Variants in COMMD1 observed in about 807,000 individuals in gnomAD.
COMMD1 encodes COMM domain-containing protein 1.
Under a neutral mutation model 17.2 loss-of-function variants are expected in COMMD1, and 10 were observed. That is an observed-to-expected ratio of 0.58 (90% CI 0.36 to 0.99). The LOEUF (loss-of-function observed/expected upper bound fraction) is 0.99, where lower values mean the gene tolerates loss of function less well. COMMD1 is among the 50% of genes least tolerant of loss of function. COMMD1 has a pLI of 0.01. For missense variants in COMMD1, 270 were observed against 231.8 expected, an observed-to-expected ratio of 1.17 and a Z score of -1.07; for synonymous variants, 97 against 91.6, an observed-to-expected ratio of 1.06 and a Z score of -0.34.
At chr2:62,014,746 G>A (rs58125635) in intron 2 of COMMD1, among the ~76,000 whole-genome samples, 1 of 151,298 alleles carries the variant, frequency 6.6e-6, no homozygotes, top group Non-Finnish European at 1.5e-5. Context: ...ATTTTTAGTA[G>A]AGATGGGGTG....
intron 2 of COMMD1, among the ~76,000 whole-genome samples, chr2:62,035,772 C>T (rs1191335521): frequency 6.8e-6 from 1 of 147,624 alleles, no homozygotes; most frequent in African/African-American, 2.5e-5. Context: ...AAAAGCAGGG[C>T]TGGCATGGTG....
chr2:62,048,988 A>C (rs888906258), intron 2 of COMMD1, among the ~76,000 whole-genome samples: 1 of 152,154 alleles, frequency 6.6e-6, no homozygotes, highest in African/African-American at 2.4e-5. Flanking sequence ...TAGTCTTAAT[A>C]ATTTTTAGAT....
At chr2:62,125,244 T>C (rs1447888553) in intron 2 of COMMD1, among the ~76,000 whole-genome samples, 1 of 152,270 alleles carries the variant, frequency 6.6e-6, no homozygotes, top group Non-Finnish European at 1.5e-5. Flanking sequence ...TGGTAGGTGC[T>C]GAGGCACTGC....
chr2:62,132,853 AAT>A (rs887204709), intron 2 of COMMD1, among the ~76,000 whole-genome samples: 1 of 152,090 alleles, frequency 6.6e-6, no homozygotes, highest in African/African-American at 2.4e-5. Context: ...AAAAAAAAAA[AAT>A]TGTTTTAAAG....
Position 61,905,718 on chromosome 2 carries a change from G to C in COMMD1, c.40G>C (p.Gly14Arg), listed in dbSNP as rs905389919. Residue 14 changes from glycine (G) to arginine (R), a missense_variant, in exon 1 of 3, where the codon GGG becomes CGG. Coordinates refer to ENST00000311832, the MANE Select transcript of COMMD1 (RefSeq NM_152516.4). ...GELEGGKPLS[G>R]LLNALAQDTF... ...GCTTGAGGGTGGCAAACCCCTGAGCGGGCTGCTGAATGCGCTGGCCCAGGA... is the reference window on the plus strand; with the variant it reads ...GCTTGAGGGTGGCAAACCCCTGAGCCGGCTGCTGAATGCGCTGGCCCAGGA... The C allele has an allele frequency of 3.7e-6, 6 of 1,606,050 alleles. No homozygotes were observed. Among genetic ancestry groups the C allele is most frequent in the Non-Finnish European group, 5.1e-6 (6 of 1,175,898 alleles).
intron 1 of COMMD1, among the ~76,000 whole-genome samples, chr2:61,896,132 A>G (rs1270640126): frequency 6.6e-6 from 1 of 152,262 alleles, no homozygotes; most frequent in African/African-American, 2.4e-5. Flanking sequence ...ACAAAGACTC[A>G]GGTAAACATG....
chr2:62,006,079 G>A (rs1669106405), intron 2 of COMMD1, among the ~76,000 whole-genome samples: 2 of 150,638 alleles, frequency 1.3e-5, no homozygotes, highest in Admixed American at 6.7e-5. Context: ...ATCATTCTCA[G>A]TAAACTATCG....
intron 1 of COMMD1, among the ~76,000 whole-genome samples, chr2:61,913,682 G>T (rs1454564889): frequency 6.6e-6 from 1 of 151,370 alleles, no homozygotes; most frequent in Admixed American, 6.6e-5. Context: ...TATAGTCCCA[G>T]CTACTCAGGA....
intron 1 of COMMD1, among the ~76,000 whole-genome samples, chr2:61,894,721 A>G (rs575473376): frequency 6.7e-6 from 1 of 149,804 alleles, no homozygotes; most frequent in South Asian, 2.1e-4. Context: ...TTTTTTTGAG[A>G]TGGAGTCTCA....
intron 2 of COMMD1, among the ~76,000 whole-genome samples, chr2:62,029,792 AT>A (rs1669864562): frequency 6.6e-6 from 1 of 152,240 alleles, no homozygotes; most frequent in East Asian, 1.9e-4. Flanking sequence ...GTACTGGATA[AT>A]TTTTTTGTTG....
At chr2:62,123,004 C>T (rs563222959) in intron 2 of COMMD1, among the ~76,000 whole-genome samples, 65 of 152,216 alleles carry the variant, frequency 4.3e-4, no homozygotes, top group Middle Eastern at 3.4e-3. Flanking sequence ...TTGCTAATGC[C>T]CCCTTTGTAA....
intron 2 of COMMD1, among the ~76,000 whole-genome samples, chr2:62,101,097 TA>T (rs60837521): frequency 1.2e-4 from 18 of 146,380 alleles, no homozygotes; most frequent in Non-Finnish European, 1.7e-4. Context: ...GGGCAAGATT[TA>T]AAAAAAAAAA....
At chr2:62,032,857 A>C (rs1669946070) in intron 2 of COMMD1, among the ~76,000 whole-genome samples, 1 of 151,738 alleles carries the variant, frequency 6.6e-6, no homozygotes, top group Non-Finnish European at 1.5e-5. Flanking sequence ...TGCATCCTCC[A>C]CCCTCCAGGT....
At chr2:61,953,577 C>G (rs1572997192) in intron 1 of COMMD1, among the ~76,000 whole-genome samples, 1 of 151,966 alleles carries the variant, frequency 6.6e-6, no homozygotes, top group East Asian at 2.0e-4. Context: ...ACCATGTTCC[C>G]CAGGCTGGTC....
intron 2 of COMMD1, among the ~76,000 whole-genome samples, chr2:62,099,220 A>T (rs1672104483): frequency 1.3e-5 from 2 of 152,254 alleles, no homozygotes; most frequent in East Asian, 3.9e-4. Flanking sequence ...CTGATTTTAG[A>T]AGTGGCGAGA....
chr2:61,935,952 G>A (rs962612987), intron 1 of COMMD1, among the ~76,000 whole-genome samples: 2 of 151,986 alleles, frequency 1.3e-5, no homozygotes, highest in African/African-American at 4.8e-5. Context: ...AAGTAGCTGG[G>A]ATTACAGGTG....
intron 2 of COMMD1, among the ~76,000 whole-genome samples, chr2:62,099,792 T>TAATATTTGTTGGGGA (rs1400168360): frequency 6.6e-6 from 1 of 151,940 alleles, no homozygotes; most frequent in East Asian, 1.9e-4. Flanking sequence ...CAAGCCTTCT[T>TAATATTTGTTGGGGA]AATATTTGTT....
exon 1 of COMMD1, chr2:61,888,758 T>G: frequency 1.9e-6 from 1 of 516,656 alleles, no homozygotes; most frequent in Non-Finnish European, 3.4e-6. Flanking sequence ...GGCGAGATTG[T>G]ACGCCCGGGG....
At chr2:62,124,024 G>T (rs1672823611) in intron 2 of COMMD1, among the ~76,000 whole-genome samples, 1 of 152,190 alleles carries the variant, frequency 6.6e-6, no homozygotes, top group Non-Finnish European at 1.5e-5. Flanking sequence ...TCCCAGCCAG[G>T]CACGGTGGCT....
Sources: allele counts gnomAD v4.1 joint callset (sites outside exome capture counted in the v4.1 genomes callset), GRCh38; gene constraint gnomAD v4.1.1; transcripts MANE v1.5; gene names NCBI Gene and HGNC (gene_info 2026-07-23, HGNC 2026-07-21).